The following PAQR5 variants were observed in gnomAD, a reference collection of about 807,000 sequenced individuals.
PAQR5 encodes the protein membrane progestin receptor gamma.
In PAQR5, 20 loss-of-function variants were observed where a neutral mutation model predicts 34.5. That is an observed-to-expected ratio of 0.58 (90% CI 0.41 to 0.84). PAQR5 has a LOEUF of 0.84. PAQR5 is among the 40% of genes least tolerant of loss of function. PAQR5 has a pLI of 0.00. For missense variants in PAQR5, 378 were observed against 412.7 expected, an observed-to-expected ratio of 0.92 and a Z score of 0.73; for synonymous variants, 131 against 155.6, an observed-to-expected ratio of 0.84 and a Z score of 1.18.
At chr15:69,403,483 C>A in intron 8 of PAQR5, 98 bp from the exon 9 acceptor site, 1 of 1,165,472 alleles carries the variant, frequency 8.6e-7, no homozygotes, top group South Asian at 1.5e-5. Flanking sequence ...TGTCTGGTTT[C>A]TTTCACTTAG....
In PAQR5 at chr15:69,302,776, C is replaced by T. The variant is rs116926911; in HGVS notation, c.-277+3720C>T. On this transcript the variant is annotated intron_variant, in intron 1 of 8. Transcript: ENST00000395407. ...TGGGGCTCAAGCCCGTGAACAAACC[C>T]ACCATCCCCACCACCCCTGAGAGCT... 3.6e-3 allele frequency among the ~76,000 whole-genome samples: 541 copies of T among 152,252 alleles called. 1 individual carries two copies. Among genetic ancestry groups the T allele is most frequent in the Non-Finnish European group, 5.5e-3 (372 of 68,008 alleles).
chr15:69,357,547 C>T (rs1213616869), intron 2 of PAQR5, among the ~76,000 whole-genome samples: 5 of 152,070 alleles, frequency 3.3e-5, no homozygotes, highest in Admixed American at 6.6e-5. Context: ...TACAGGTGTG[C>T]GCTACCACAC....
intron 3 of PAQR5, among the ~76,000 whole-genome samples, chr15:69,360,417 A>T (rs1220419503): frequency 6.6e-6 from 1 of 152,252 alleles, no homozygotes; most frequent in Non-Finnish European, 1.5e-5. Flanking sequence ...AGATAAAGCC[A>T]GCAGCAGCTG....
intron 2 of PAQR5, among the ~76,000 whole-genome samples, chr15:69,356,146 A>G (rs2055071169): frequency 6.6e-6 from 1 of 152,194 alleles, no homozygotes; most frequent in Non-Finnish European, 1.5e-5. Context: ...AAAGCCAGAG[A>G]TAACTAAGGG....
chr15:69,382,504 G>A (rs1479294280), intron 4 of PAQR5, among the ~76,000 whole-genome samples: 2 of 151,440 alleles, frequency 1.3e-5, no homozygotes, highest in East Asian at 3.9e-4. Context: ...AGTTAGCCAG[G>A]CGTGGTGGAG....
At position 69,392,781 on chromosome 15, in the gene PAQR5, G is replaced by A. The variant is rs565151092; in HGVS notation, c.512+3001G>A. Among the ~76,000 whole-genome samples, 7 of 152,184 alleles carry A rather than the reference G, an allele frequency of 4.6e-5. No homozygotes were observed. The South Asian group carries it at 1.5e-3, about 32-fold the overall frequency. Reference sequence around the variant, plus strand: ...GGCTTTAGGACTGGATATTGAAGGAGGTAGAACACTTTAGCTGAAGAGGAG... The same window carrying A: ...GGCTTTAGGACTGGATATTGAAGGAAGTAGAACACTTTAGCTGAAGAGGAG... On this transcript the variant is annotated intron_variant, in intron 6 of 8. Transcript: ENST00000395407.
intron 3 of PAQR5, among the ~76,000 whole-genome samples, chr15:69,373,640 G>T (rs975598395): frequency 6.6e-6 from 1 of 152,136 alleles, no homozygotes; most frequent in Non-Finnish European, 1.5e-5. Flanking sequence ...GTCTCGCTTT[G>T]TTGACCAGGC....
At chr15:69,403,486 T>C (rs1023137978) in intron 8 of PAQR5, 95 bp from the exon 9 acceptor site, 47 of 1,204,062 alleles carry the variant, frequency 3.9e-5, no homozygotes, top group Non-Finnish European at 5.0e-5. Flanking sequence ...CTGGTTTCTT[T>C]CACTTAGCAT....
chr15:69,402,241 G>A (rs544120585), intron 8 of PAQR5, among the ~76,000 whole-genome samples: 78 of 152,110 alleles, frequency 5.1e-4, no homozygotes, highest in Non-Finnish European at 7.9e-4. Context: ...TTGGCTTGTC[G>A]ATGGCCGTTC....
At chr15:69,358,414 G>A (rs1279543680) in intron 2 of PAQR5, among the ~76,000 whole-genome samples, 2 of 152,056 alleles carry the variant, frequency 1.3e-5, no homozygotes, top group African/African-American at 4.8e-5. Context: ...CTCTTGCTGT[G>A]ATCTGAGGCA....
chr15:69,339,585 G>A (rs2054592755), intron 2 of PAQR5, among the ~76,000 whole-genome samples: 1 of 151,602 alleles, frequency 6.6e-6, no homozygotes, highest in African/African-American at 2.4e-5. Flanking sequence ...CAATTCTCAT[G>A]CCTCAGCTTC....
At chr15:69,348,270 A>G (rs1016363963) in intron 2 of PAQR5, among the ~76,000 whole-genome samples, 7 of 152,222 alleles carry the variant, frequency 4.6e-5, no homozygotes, top group Non-Finnish European at 1.0e-4. Context: ...GGCCATTTAC[A>G]TGGGTTATGT....
At chr15:69,319,807 C>G (rs1391612757) in intron 1 of PAQR5, among the ~76,000 whole-genome samples, 1 of 152,188 alleles carries the variant, frequency 6.6e-6, no homozygotes, top group Non-Finnish European at 1.5e-5. Flanking sequence ...CCTGGAAGCT[C>G]TTGTCTGGGG....
chr15:69,369,342 C>T (rs568872144), intron 3 of PAQR5, among the ~76,000 whole-genome samples: 47 of 152,216 alleles, frequency 3.1e-4, no homozygotes, highest in African/African-American at 1.0e-3. Context: ...TCGAAACCAG[C>T]CTGACCAACA....
intron 1 of PAQR5, among the ~76,000 whole-genome samples, chr15:69,319,431 G>C (rs941030046): frequency 1.3e-5 from 2 of 151,332 alleles, no homozygotes; most frequent in Non-Finnish European, 2.9e-5. Context: ...TGACCCGAAC[G>C]AGCACAGCTC....
chr15:69,348,434 T>TG (rs1474690210), intron 2 of PAQR5, among the ~76,000 whole-genome samples: 1 of 152,160 alleles, frequency 6.6e-6, no homozygotes, highest in Admixed American at 6.5e-5. Flanking sequence ...AAGCAGCACT[T>TG]GGGCCCTTAC....
intron 3 of PAQR5, among the ~76,000 whole-genome samples, chr15:69,370,562 C>T (rs1478342823): frequency 4.6e-5 from 7 of 152,078 alleles, no homozygotes; most frequent in African/African-American, 1.7e-4. Flanking sequence ...TCTTGTTGCC[C>T]AGGCTGGAGT....
intron 1 of PAQR5, among the ~76,000 whole-genome samples, chr15:69,325,390 G>A (rs1054663323): frequency 5.9e-5 from 9 of 152,104 alleles, no homozygotes; most frequent in African/African-American, 2.2e-4. Context: ...GCACCCACCT[G>A]GGCCTGCAGC....
intron 1 of PAQR5, among the ~76,000 whole-genome samples, chr15:69,310,953 G>C: frequency 6.9e-6 from 1 of 145,820 alleles, no homozygotes; most frequent in East Asian, 2.1e-4. Flanking sequence ...GCAGGAGAAT[G>C]GTGTGAACCC....
Sources: allele counts gnomAD v4.1 joint callset (sites outside exome capture counted in the v4.1 genomes callset), GRCh38; gene constraint gnomAD v4.1.1; transcripts MANE v1.5; gene names NCBI Gene and HGNC (gene_info 2026-07-23, HGNC 2026-07-21).